CACNA1I: variants seen among roughly 807,000 people sequenced by gnomAD.
CACNA1I encodes the protein voltage-dependent T-type calcium channel subunit alpha-1I.
CACNA1I carries 74 observed loss-of-function variants against 201.6 expected under a neutral mutation model. The ratio of observed to expected loss-of-function variants is 0.37; its 90% CI spans 0.30 to 0.45. The LOEUF is 0.45. Ranked by LOEUF, CACNA1I falls within the 20% of genes least tolerant of loss-of-function variation. The pLI is 1.00. For synonymous variants in CACNA1I, 1,431 were observed against 1,345.2 expected, an observed-to-expected ratio of 1.06 and a Z score of -1.40; for missense variants, 2,346 against 3,138.1, an observed-to-expected ratio of 0.75 and a Z score of 6.03.
intron 3 of CACNA1I, among the ~76,000 whole-genome samples, chr22:39,609,842 C>T (rs1044865691): frequency 1.3e-5 from 2 of 152,228 alleles, no homozygotes; most frequent in Non-Finnish European, 2.9e-5. Context: ...CACCCTCTGC[C>T]AAAGCCGTGG....
chr22:39,658,252 A>T lies in CACNA1I; in HGVS notation c.2093A>T (p.Asp698Val). ...AAGCTGGCTGCATTTGGGCTCTTCG[A>T]CTACCTGCGTAACCCCTACAACATC... is the stretch of plus-strand genomic sequence containing the variant. ...ILKLAAFGLF[D>V]YLRNPYNIFD... The change falls in exon 11 of 37, where the codon GAC (aspartate) becomes GTC (valine). Residue 698 changes from aspartate to valine, a missense_variant. Asp to Val is a radical substitution (Grantham distance 152, BLOSUM62 -3). Transcript: ENST00000402142. The T allele has an allele frequency of 6.2e-7, 1 of 1,613,908 alleles. No individual in the cohort carries two copies. Among genetic ancestry groups the T allele is most frequent in the African/African-American group, 1.3e-5 (1 of 75,004 alleles).
intron 33 of CACNA1I, 34 bp downstream of exon 33, chr22:39,679,902 G>A: frequency 6.3e-7 from 1 of 1,594,076 alleles, no homozygotes; most frequent in Non-Finnish European, 8.5e-7. Context: ...GCCCCTTGTG[G>A]CAGGGGCAGC....
rs574553913 is a variant in CACNA1I at position 39,657,015 on chromosome 22, A to C, written c.1993-1137A>C. The stretch of plus-strand genomic sequence containing the variant: ...TAGGAGCCTTAGAGGAGAGGCTTGG[A>C]TGAATTGGTTCCTCACTCGACCCCG... On this transcript the variant is annotated intron_variant, in intron 10 of 36. Coordinates refer to ENST00000402142, the MANE Select transcript of CACNA1I (RefSeq NM_021096.4). 2.0e-5 allele frequency among the ~76,000 whole-genome samples: 3 copies of C among 152,166 alleles called. No homozygotes were observed. The East Asian group carries it at 5.8e-4, about 29-fold the overall frequency.
intron 1 of CACNA1I, chr22:39,587,706 T>C (rs1303013748): frequency 6.7e-6 from 3 of 450,768 alleles, no homozygotes; most frequent in Middle Eastern, 3.3e-4. Context: ...GTTGTAAAGG[T>C]TCCTGTGGGG....
At chr22:39,624,462 G>C (rs1330600440) in intron 4 of CACNA1I, among the ~76,000 whole-genome samples, 1 of 152,184 alleles carries the variant, frequency 6.6e-6, no homozygotes, top group Non-Finnish European at 1.5e-5. Flanking sequence ...CCACCGCTGG[G>C]CAGTTGGGGG....
intron 10 of CACNA1I, among the ~76,000 whole-genome samples, chr22:39,653,133 GC>G (rs1278441794): frequency 1.1e-5 from 1 of 90,972 alleles, no homozygotes; most frequent in Non-Finnish European, 2.0e-5. Flanking sequence ...GGTGCACGGA[GC>G]CCCCCACACA....
intron 3 of CACNA1I, among the ~76,000 whole-genome samples, chr22:39,606,855 T>TGTAGCTTATCA (rs1450232486): frequency 6.6e-6 from 1 of 152,252 alleles, no homozygotes; most frequent in Non-Finnish European, 1.5e-5. Flanking sequence ...TGTCTTATCA[T>TGTAGCTTATCA]TTAAGCTACA....
In CACNA1I at chr22:39,648,298, G is replaced by A. The variant is rs1601493362; in HGVS notation, c.1567+372G>A. 6.6e-6 allele frequency among the ~76,000 whole-genome samples: 1 copy of A among 152,196 alleles called. No homozygotes were observed. The highest frequency in any genetic ancestry group is 1.5e-5 in the Non-Finnish European group (1 of 68,034). On this transcript the variant is annotated intron_variant, in intron 9 of 36. Coordinates refer to ENST00000402142, the MANE Select transcript of CACNA1I (RefSeq NM_021096.4). This position sits in a 1 kb window ranked among gnomAD's most constrained non-coding sequence, Gnocchi z 5.4. ...GGCCCGTGGGCAGGCCCGGCATGCG[G>A]ACACAGGAGCTGGGGCCGGGCAAGG...
Position 39,661,253 on chromosome 22 carries a change from C to A in CACNA1I, c.2844C>A (p.Gly948=), listed in dbSNP as rs747907213. 8 of 1,610,280 alleles carry A rather than the reference C, an allele frequency of 5.0e-6. No individual in the cohort carries two copies. The South Asian group carries it at 8.8e-5, about 18-fold the overall frequency. ...CGGACCCCATGCTGGTGGCCCTGGG[C>A]TCCCGAAAGAGCAGTGTCATGTCTC... ...LQPDPMLVAL[G]SRKSSVMSLG... is the part of the protein sequence containing the mutation. The change falls in exon 16 of 37, where the codon GGC becomes GGA. Residue 948 remains glycine (G), a synonymous_variant. Transcript: ENST00000402142.
intron 5 of CACNA1I, among the ~76,000 whole-genome samples, chr22:39,636,401 C>T (rs1934220019): frequency 6.6e-6 from 1 of 152,254 alleles, no homozygotes; most frequent in Non-Finnish European, 1.5e-5. Flanking sequence ...AAAGAACGCC[C>T]TAAGGGAAGA....
At chr22:39,616,552 G>A (rs1411533800) in intron 3 of CACNA1I, among the ~76,000 whole-genome samples, 4 of 152,096 alleles carry the variant, frequency 2.6e-5, no homozygotes, top group Admixed American at 6.5e-5. Flanking sequence ...ATCATCTGAG[G>A]TTGGGAGTTC....
chr22:39,682,791 G>A (rs545798402), intron 35 of CACNA1I, 130 bp downstream of exon 35: 9 of 724,188 alleles, frequency 1.2e-5, no homozygotes, highest in Middle Eastern at 3.1e-4. Flanking sequence ...AGAACCAGAT[G>A]GATATCTGAC....
chr22:39,581,543 C>T (rs1932549235), intron 1 of CACNA1I, among the ~76,000 whole-genome samples: 1 of 152,046 alleles, frequency 6.6e-6, no homozygotes. Context: ...CTGGTGGGGG[C>T]TTGGATGGGA....
intron 5 of CACNA1I, among the ~76,000 whole-genome samples, chr22:39,638,232 G>T (rs180862599): frequency 2.0e-5 from 3 of 152,212 alleles, no homozygotes; most frequent in Admixed American, 6.5e-5. Context: ...GAGCCACTGC[G>T]CCTGGCCCCA....
intron 4 of CACNA1I, among the ~76,000 whole-genome samples, chr22:39,626,846 A>G (rs1040378993): frequency 6.6e-6 from 1 of 152,146 alleles, no homozygotes; most frequent in African/African-American, 2.4e-5. Flanking sequence ...CCGCCTGATA[A>G]GTGGCTAAAG....
At chr22:39,591,604 G>A (rs5995754) in intron 1 of CACNA1I, among the ~76,000 whole-genome samples, 8,416 of 151,438 alleles carry the variant, frequency 0.056, 258 homozygotes, top group Non-Finnish European at 0.062. Flanking sequence ...TGTCACCCAC[G>A]CTGGAGTGCA....
chr22:39,646,533 G>C (rs1042035829), intron 7 of CACNA1I, 36 bp from the exon 8 acceptor site: 1 of 1,500,918 alleles, frequency 6.7e-7, no homozygotes, highest in Non-Finnish European at 8.9e-7. Context: ...CTCCATCCCT[G>C]TCCCTGTCCC....
At position 39,659,339 on chromosome 22, in the gene CACNA1I, C is replaced by T; in HGVS notation, c.2331-94C>T. 1 of 1,005,682 alleles carries T rather than the reference C, an allele frequency of 9.9e-7. No homozygotes were observed. The allele number at this position is 1,005,682 out of a possible 1,614,324, so 62.3% of individuals were successfully genotyped here. On this transcript the variant is annotated intron_variant, in intron 12 of 36. Transcript: ENST00000402142. The surrounding 1 kb of genome is among the most constrained non-coding windows in gnomAD (Gnocchi z 4.3). ...ACCAACGCTGCCCCGCCTCCCCCTG[C>T]CCTGCATTTTACTGAGTTGACTGAG... is the stretch of plus-strand genomic sequence containing the variant.
At position 39,659,500 on chromosome 22, in the gene CACNA1I, G is replaced by A. The variant is rs574037007; in HGVS notation, c.2398G>A (p.Asp800Asn). The stretch of plus-strand genomic sequence containing the variant: ...CACGGACACTGGAGACACGGTGCCC[G>A]ACAGGAAGAACTTCGACTCCCTGCT... The part of the protein sequence containing the change: ...LRTDTGDTVP[D>N]RKNFDSLLWA... Residue 800 changes from aspartate (D) to asparagine (N), a missense_variant, in exon 13 of 37, where the codon GAC becomes AAC. By Grantham distance (23) the Asp-to-Asn change is conservative (BLOSUM62 1). This residue lies in a region of CACNA1I where 155 missense variants were observed against 300.8 expected (regional missense o/e 0.52). Transcript: ENST00000402142. This position sits in a 1 kb window ranked among gnomAD's most constrained non-coding sequence, Gnocchi z 4.3. 64 of 1,592,768 alleles carry A rather than the reference G, an allele frequency of 4.0e-5. No individual in the cohort carries two copies. The South Asian group carries it at 4.9e-4, about 12-fold the overall frequency.
Sources: gnomAD v4.1 joint callset for allele counts (sites outside exome capture counted in the v4.1 genomes callset) on GRCh38, gnomAD v4.1.1 for gene constraint, gnomAD v4.1.1 regional missense constraint, Gnocchi (gnomAD v3.1) non-coding constraint, MANE v1.5 for transcripts, NCBI Gene and HGNC (gene_info 2026-07-23, HGNC 2026-07-21) for gene names.